PDE6C: variants seen among roughly 807,000 people sequenced by gnomAD.
The protein encoded by PDE6C is cone cGMP-specific 3',5'-cyclic phosphodiesterase subunit alpha'.
PDE6C carries 75 observed loss-of-function variants against 113.1 expected under a neutral mutation model. The ratio of observed to expected loss-of-function variants is 0.66; its 90% CI spans 0.55 to 0.80. The LOEUF is 0.80. PDE6C is among the 30% of genes least tolerant of loss of function. The pLI, the probability that PDE6C is intolerant of heterozygous loss-of-function variation, is 0.00. For synonymous variants in PDE6C, 375 were observed against 363.7 expected (o/e 1.03, Z -0.35); for missense variants, 912 against 1,038.6 (o/e 0.88, Z 1.67).
chr10:93,640,654 T>A (rs2058555071), intron 13 of PDE6C, 97 bp downstream of exon 13: 1 of 953,736 alleles, frequency 1.0e-6, no homozygotes, highest in Non-Finnish European at 1.7e-6. Flanking sequence ...ATCAGTAATT[T>A]AAAAATTCAG....
rs772835741 is a variant in PDE6C, at chr10:93,640,945, C to T, written c.1763C>T (p.Thr588Ile). Residue 588 changes from threonine to isoleucine, a missense_variant, in exon 14 of 22, where the codon ACA becomes ATA. Coordinates refer to ENST00000371447, the MANE Select transcript of PDE6C (RefSeq NM_006204.4). Reference sequence around the variant, plus strand: ...ACAGGAAGATTAAAGAAGTACTACACAGATCTCGAAGCCTTTGCCATGCTT... The same window carrying T: ...ACAGGAAGATTAAAGAAGTACTACATAGATCTCGAAGCCTTTGCCATGCTT... ...LMTGRLKKYYTDLEAFAMLAA... is the reference protein window; with the variant it reads ...LMTGRLKKYYIDLEAFAMLAA... The T allele has an allele frequency of 6.2e-7, 1 of 1,610,452 alleles. No individual in the cohort carries two copies.
At chr10:93,629,719 C>T (rs779524912) in intron 8 of PDE6C, among the ~76,000 whole-genome samples, 2 of 152,198 alleles carry the variant, frequency 1.3e-5, no homozygotes, top group Non-Finnish European at 2.9e-5. Context: ...ACCCAGATCT[C>T]TCACATGCGC....
intron 7 of PDE6C, 63 bp downstream of exon 7, chr10:93,626,934 A>T: frequency 1.4e-6 from 2 of 1,383,806 alleles, no homozygotes; most frequent in Non-Finnish European, 1.0e-6. Flanking sequence ...TAGCTAAGAG[A>T]TAGATACAAT....
Position 93,629,306 on chromosome 10 carries a change from G to A in PDE6C, c.1119+1G>A, listed in dbSNP as rs764895027. 2 of 1,607,418 alleles carry A rather than the reference G, an allele frequency of 1.2e-6. No individual in the cohort carries two copies. Among genetic ancestry groups the A allele is most frequent in the South Asian group, 1.1e-5 (1 of 90,956 alleles). ...TGCGGATGAATACTTCACATTTCAG[G>A]TAACTGCACTCTGGGTCAGACCTCA... On this transcript the variant is annotated splice_donor_variant, in intron 8 of 21. Coordinates refer to ENST00000371447, the MANE Select transcript of PDE6C (RefSeq NM_006204.4). LOFTEE classifies it high-confidence loss of function.
chr10:93,659,317 A>G (rs1219820255), intron 18 of PDE6C, 150 bp downstream of exon 18: 2 of 636,278 alleles, frequency 3.1e-6, no homozygotes, highest in African/African-American at 3.7e-5. Flanking sequence ...AGGCCCTAGA[A>G]TAAAGCAAAT....
chr10:93,654,922 C>A (rs1233266702), intron 15 of PDE6C, among the ~76,000 whole-genome samples: 2 of 151,706 alleles, frequency 1.3e-5, no homozygotes, highest in African/African-American at 4.8e-5. Context: ...ATCCTACCAC[C>A]TTGGCCTCCT....
At chr10:93,635,042 T>G (rs2058521317) in intron 9 of PDE6C, 135 bp downstream of exon 9, 1 of 952,002 alleles carries the variant, frequency 1.1e-6, no homozygotes, top group South Asian at 1.4e-5. Flanking sequence ...AACCAATATG[T>G]TGTTATTTTG....
intron 19 of PDE6C, 122 bp from the exon 20 acceptor site, chr10:93,662,438 G>C: frequency 3.6e-6 from 2 of 551,270 alleles, no homozygotes; most frequent in Non-Finnish European, 6.5e-6. Flanking sequence ...ACCCAGACTG[G>C]AGACAGAGTG....
intron 1 of PDE6C, among the ~76,000 whole-genome samples, chr10:93,614,785 G>A (rs368090164): frequency 2.0e-5 from 3 of 152,114 alleles, no homozygotes; most frequent in Admixed American, 2.0e-4. Context: ...TGAGCATCAC[G>A]GCATGGACGG....
chr10:93,657,682 A>G (rs2058645194), intron 16 of PDE6C, among the ~76,000 whole-genome samples: 1 of 152,196 alleles, frequency 6.6e-6, no homozygotes, highest in South Asian at 2.1e-4. Context: ...TTCTATTCAT[A>G]GACATTTCAA....
chr10:93,655,405 C>G (rs1460543519), intron 15 of PDE6C, among the ~76,000 whole-genome samples: 1 of 151,986 alleles, frequency 6.6e-6, no homozygotes, highest in East Asian at 1.9e-4. Flanking sequence ...ATTAAAGCTT[C>G]TCAATTAATA....
chr10:93,655,705 AT>A (rs2058634619), intron 15 of PDE6C, 54 bp from the exon 16 acceptor site: 1 of 881,820 alleles, frequency 1.1e-6, no homozygotes. Flanking sequence ...GCATAGTTTC[AT>A]TTGTTCAGAG....
intron 1 of PDE6C, among the ~76,000 whole-genome samples, chr10:93,615,557 T>A (rs568318461): frequency 6.6e-6 from 1 of 152,136 alleles, no homozygotes; most frequent in Non-Finnish European, 1.5e-5. Flanking sequence ...AATTTTTGTA[T>A]TTTTAGTAGA....
At chr10:93,624,468 C>G (rs1262996351) in intron 4 of PDE6C, among the ~76,000 whole-genome samples, 1 of 152,160 alleles carries the variant, frequency 6.6e-6, no homozygotes, top group African/African-American at 2.4e-5. Context: ...GAACTCCTGT[C>G]CTCAAGTGAT....
At chr10:93,630,984 T>A (rs716333) in intron 8 of PDE6C, among the ~76,000 whole-genome samples, 55,639 of 152,106 alleles carry the variant, frequency 0.37, 10,377 homozygotes, top group East Asian at 0.46. Flanking sequence ...CGACAATGAT[T>A]TTCTAGAGTC....
rs376240679 is a variant in PDE6C, at chr10:93,665,814, T to G, written c.*396T>G. On this transcript the variant is annotated 3_prime_UTR_variant, in exon 22 of 22. Coordinates refer to ENST00000371447, the MANE Select transcript of PDE6C (RefSeq NM_006204.4). ...GGGCTGGAAGTTCAAGATCAAGGAG[T>G]TGGCAGGGTTGGTTTCTTGGGAGGC... The G allele has an allele frequency of 3.4e-5, 9 of 265,328 alleles. No individual in the cohort carries two copies. In the East Asian group the frequency reaches 8.9e-4, roughly 26 times the overall value. The allele number at this position is 265,328 out of a possible 1,614,324, so 16.4% of individuals were successfully genotyped here.
intron 7 of PDE6C, among the ~76,000 whole-genome samples, chr10:93,628,078 G>T (rs2058482460): frequency 6.6e-6 from 1 of 152,152 alleles, no homozygotes; most frequent in Non-Finnish European, 1.5e-5. Flanking sequence ...CATGGCAAGA[G>T]AATTGGGACC....
intron 8 of PDE6C, among the ~76,000 whole-genome samples, chr10:93,630,593 C>G (rs2058496442): frequency 6.6e-6 from 1 of 152,068 alleles, no homozygotes; most frequent in Admixed American, 6.6e-5. Flanking sequence ...AAAAAACATC[C>G]CCTTAGAGCC....
chr10:93,628,536 G>A (rs774392582), intron 7 of PDE6C, among the ~76,000 whole-genome samples: 13 of 152,098 alleles, frequency 8.5e-5, no homozygotes, highest in Non-Finnish European at 1.6e-4. Flanking sequence ...AGAGAGCTGA[G>A]ATCGCGCCAT....
Sources: allele counts gnomAD v4.1 joint callset (sites outside exome capture counted in the v4.1 genomes callset), GRCh38; gene constraint gnomAD v4.1.1; transcripts MANE v1.5; gene names NCBI Gene and HGNC (gene_info 2026-07-23, HGNC 2026-07-21).